The following ALG14 variants were observed in gnomAD, a reference collection of about 807,000 sequenced individuals.
The protein encoded by ALG14 is UDP-N-acetylglucosamine transferase subunit ALG14.
In ALG14, 17 loss-of-function variants were observed where a neutral mutation model predicts 22.8. The ratio of observed to expected loss-of-function variants is 0.75; its 90% CI spans 0.51 to 1.12. ALG14 has a LOEUF of 1.12. ALG14 is among the 50% of genes most tolerant of loss of function. ALG14 has a pLI of 0.00. For missense variants in ALG14, 288 were observed against 271.8 expected (o/e 1.06, Z -0.42); for synonymous variants, 89 against 103.7 (o/e 0.86, Z 0.86).
chr1:95,024,479 G>A (rs750534095), intron 3 of ALG14, among the ~76,000 whole-genome samples: 12 of 152,172 alleles, frequency 7.9e-5, no homozygotes, highest in Non-Finnish European at 1.8e-4. Context: ...AATATTAGCA[G>A]AATCTAATAC....
Position 95,031,813 on chromosome 1 carries a change from G to A in ALG14, c.289-4553C>T, listed in dbSNP as rs76899783. Among the ~76,000 whole-genome samples, 98 of 152,258 alleles carry A rather than the reference G, an allele frequency of 6.4e-4. 1 individual carries two copies. Among genetic ancestry groups the A allele is most frequent in the Admixed American group, 1.1e-3 (17 of 15,294 alleles). ...GAACATAACTTACACAAGGAGGCCA[G>A]GAACTTACTTTTTAGACGGAGTTTA... On this transcript the variant is annotated intron_variant, in intron 2 of 3. Coordinates refer to ENST00000370205, the MANE Select transcript of ALG14 (RefSeq NM_144988.4).
At chr1:95,071,661 T>C (rs1675570302) in intron 1 of ALG14, among the ~76,000 whole-genome samples, 1 of 152,218 alleles carries the variant, frequency 6.6e-6, no homozygotes, top group African/African-American at 2.4e-5. Flanking sequence ...TGTTATCACC[T>C]TCTTTTCACA....
chr1:94,993,822 A>C (rs1672840380), intron 3 of ALG14, among the ~76,000 whole-genome samples: 1 of 152,230 alleles, frequency 6.6e-6, no homozygotes, highest in African/African-American at 2.4e-5. Context: ...ATCAGGCTCC[A>C]AAATCCCCTC....
chr1:95,071,063 A>G (rs1277998786), intron 1 of ALG14, among the ~76,000 whole-genome samples: 1 of 152,090 alleles, frequency 6.6e-6, no homozygotes, highest in Non-Finnish European at 1.5e-5. Flanking sequence ...ATATGATCCT[A>G]TTTAATCTCT....
At chr1:95,061,743 C>T (rs1258369932) in intron 2 of ALG14, 1 of 152,210 alleles carries the variant, frequency 6.6e-6, no homozygotes, top group Non-Finnish European at 1.5e-5. Context: ...AGCTTTCAAG[C>T]TTTATCATTT....
At chr1:95,042,624 C>T (rs1242654501) in intron 2 of ALG14, among the ~76,000 whole-genome samples, 1 of 152,198 alleles carries the variant, frequency 6.6e-6, no homozygotes, top group African/African-American at 2.4e-5. Context: ...TGGGAGGGTA[C>T]ATGAGGAATC....
intron 2 of ALG14, among the ~76,000 whole-genome samples, chr1:95,063,289 T>C (rs192123434): frequency 6.6e-6 from 1 of 152,340 alleles, no homozygotes; most frequent in Admixed American, 6.5e-5. Context: ...ACAAGCTCTT[T>C]AGTTTAATTA....
intron 3 of ALG14, among the ~76,000 whole-genome samples, chr1:95,015,273 C>T (rs966965625): frequency 7.2e-5 from 11 of 152,244 alleles, no homozygotes; most frequent in East Asian, 1.9e-4. Context: ...GTAGAACTAG[C>T]GTGTTCCAGT....
intron 3 of ALG14, among the ~76,000 whole-genome samples, chr1:95,000,495 C>T (rs1344623093): frequency 7.2e-6 from 1 of 138,370 alleles, no homozygotes; most frequent in Non-Finnish European, 1.5e-5. Flanking sequence ...GTGTTCATGG[C>T]ACTATACTCC....
intron 3 of ALG14, among the ~76,000 whole-genome samples, chr1:94,985,765 G>A (rs942234593): frequency 6.6e-6 from 1 of 152,104 alleles, no homozygotes; most frequent in Non-Finnish European, 1.5e-5. Context: ...GTCAGAAGTA[G>A]AGACTGTTAA....
At chr1:95,031,615 A>G (rs1456903171) in intron 2 of ALG14, among the ~76,000 whole-genome samples, 2 of 152,148 alleles carry the variant, frequency 1.3e-5, no homozygotes, top group Admixed American at 6.5e-5. Context: ...CTCCTCAGAG[A>G]TATCTTTCCT....
chr1:94,979,902 C>T lies in ALG14; in HGVS notation c.*3174G>A, dbSNP rs1221780357. 6.6e-6 allele frequency: 1 copy of T among 152,164 alleles called. No homozygotes were observed. Among genetic ancestry groups the T allele is most frequent in the Non-Finnish European group, 1.5e-5 (1 of 68,038 alleles). 9.4% of individuals were successfully genotyped at this position (152,164 alleles called of 1,614,324 possible). ...ATTTGGGTGTCTGCTCATTGTGCGC[C>T]AGGGCTGAAGTCATGGGAAGAAACC... is the stretch of plus-strand genomic sequence containing the variant. On this transcript the variant is annotated 3_prime_UTR_variant, in exon 4 of 4. Coordinates refer to ENST00000370205, the MANE Select transcript of ALG14 (RefSeq NM_144988.4).
chr1:95,032,414 G>C (rs1032944033), intron 2 of ALG14, among the ~76,000 whole-genome samples: 1 of 152,064 alleles, frequency 6.6e-6, no homozygotes, highest in African/African-American at 2.4e-5. Context: ...AGGGAATTGT[G>C]GATTTATAAA....
At chr1:95,061,470 C>T (rs752772122) in intron 2 of ALG14, 8 of 151,828 alleles carry the variant, frequency 5.3e-5, no homozygotes, top group Non-Finnish European at 1.0e-4. Context: ...AAAGTTAACA[C>T]AAACAGCCTT....
At chr1:95,043,275 G>C (rs1674440498) in intron 2 of ALG14, among the ~76,000 whole-genome samples, 1 of 152,136 alleles carries the variant, frequency 6.6e-6, no homozygotes, top group African/African-American at 2.4e-5. Context: ...AAGGGCGATG[G>C]GAGGGGAGGC....
chr1:95,010,382 T>C (rs960841931), intron 3 of ALG14, among the ~76,000 whole-genome samples: 5 of 152,188 alleles, frequency 3.3e-5, no homozygotes, highest in Non-Finnish European at 7.3e-5. Flanking sequence ...GTTTGACTCA[T>C]TTGCCCAAGT....
chr1:95,018,169 A>G (rs12137144), intron 3 of ALG14, among the ~76,000 whole-genome samples: 16,897 of 152,216 alleles, frequency 0.11, 1,235 homozygotes, highest in Non-Finnish European at 0.16. Context: ...CAGAAAAAAA[A>G]GTAGATTGGA....
intron 3 of ALG14, among the ~76,000 whole-genome samples, chr1:95,023,020 C>T (rs997822295): frequency 5.9e-5 from 9 of 152,062 alleles, no homozygotes; most frequent in Non-Finnish European, 1.3e-4. Flanking sequence ...ATATACTATA[C>T]AAACAGTGAT....
At chr1:95,039,085 A>T (rs926594137) in intron 2 of ALG14, among the ~76,000 whole-genome samples, 17 of 152,176 alleles carry the variant, frequency 1.1e-4, no homozygotes, top group Non-Finnish European at 2.1e-4. Flanking sequence ...TAACTTGTGC[A>T]GGATATAAAA....
Sources: gnomAD v4.1 joint callset for allele counts (sites outside exome capture counted in the v4.1 genomes callset) on GRCh38, gnomAD v4.1.1 for gene constraint, MANE v1.5 for transcripts, NCBI Gene and HGNC (gene_info 2026-07-23, HGNC 2026-07-21) for gene names.